The following GALNT17 variants were observed in gnomAD, a reference collection of about 807,000 sequenced individuals.
GALNT17 encodes UDP-GalNAc:polypeptide N-acetylgalactosaminyltransferase-like 3.
Under a neutral mutation model 63.7 loss-of-function variants are expected in GALNT17, and 29 were observed. The ratio of observed to expected loss-of-function variants is 0.46; its 90% CI spans 0.34 to 0.62. The LOEUF (loss-of-function observed/expected upper bound fraction) is 0.62, where lower values mean the gene tolerates loss of function less well. Among genes scored for constraint, GALNT17 ranks in the 20% least tolerant of loss-of-function variants. GALNT17 has a pLI of 0.01. For synonymous variants in GALNT17, 305 were observed against 318.3 expected (o/e 0.96, Z 0.45); for missense variants, 603 against 799.6 (o/e 0.75, Z 2.97).
intron 6 of GALNT17, among the ~76,000 whole-genome samples, chr7:71,591,666 C>CGTTT (rs1234476949): frequency 7.0e-6 from 1 of 142,728 alleles, no homozygotes; most frequent in African/African-American, 3.0e-5. Context: ...TTTGTTTGTT[C>CGTTT]GTTTGTTTGT....
chr7:71,418,731 C>A (rs1206868687), intron 4 of GALNT17, among the ~76,000 whole-genome samples: 1 of 152,118 alleles, frequency 6.6e-6, no homozygotes, highest in Non-Finnish European at 1.5e-5. Flanking sequence ...CAGGACATCC[C>A]CAGGGAGGAG....
chr7:71,496,698 G>A (rs1788101105), intron 5 of GALNT17, among the ~76,000 whole-genome samples: 1 of 151,638 alleles, frequency 6.6e-6, no homozygotes, highest in Non-Finnish European at 1.5e-5. Context: ...AAGCATAAGA[G>A]CCATGAAAAC....
chr7:71,144,250 C>G (rs76330983), intron 1 of GALNT17, among the ~76,000 whole-genome samples: 1 of 152,068 alleles, frequency 6.6e-6, no homozygotes, highest in African/African-American at 2.4e-5. Flanking sequence ...GTCAGCTCCT[C>G]GAGTATCCTT....
intron 1 of GALNT17, among the ~76,000 whole-genome samples, chr7:71,184,331 T>C (rs1038722890): frequency 1.3e-5 from 2 of 151,770 alleles, no homozygotes; most frequent in Non-Finnish European, 2.9e-5. Flanking sequence ...GGTGATGGAG[T>C]AACCTAAATA....
rs574327299 is a variant in GALNT17, at chr7:71,470,216, A to G, written c.962+49111A>G. On this transcript the variant is annotated intron_variant, in intron 5 of 10. Coordinates refer to ENST00000333538, the MANE Select transcript of GALNT17 (RefSeq NM_022479.3). Reference sequence around the variant, plus strand: ...AGAGCGAGACTCCCTCTCAAAAAACAACAACAACAATAAAAGCAAACATAA... The same window carrying G: ...AGAGCGAGACTCCCTCTCAAAAAACGACAACAACAATAAAAGCAAACATAA... Among the ~76,000 whole-genome samples, 3 of 152,304 alleles carry G rather than the reference A, an allele frequency of 2.0e-5. No homozygotes were observed. In the East Asian group the frequency reaches 5.8e-4, roughly 29 times the overall value.
At chr7:71,165,906 G>A (rs369410203) in intron 1 of GALNT17, among the ~76,000 whole-genome samples, 20 of 152,104 alleles carry the variant, frequency 1.3e-4, no homozygotes, top group African/African-American at 4.3e-4. Context: ...GTGAGGCAGC[G>A]CCCTCTCTGG....
At chr7:71,334,139 A>T (rs1232742579) in intron 1 of GALNT17, among the ~76,000 whole-genome samples, 3 of 152,176 alleles carry the variant, frequency 2.0e-5, no homozygotes, top group Non-Finnish European at 4.4e-5. Context: ...CAAGCAGAGA[A>T]ATGATGCTCG....
chr7:71,422,818 A>G (rs1358534760), intron 5 of GALNT17, among the ~76,000 whole-genome samples: 2 of 152,164 alleles, frequency 1.3e-5, no homozygotes, highest in Non-Finnish European at 2.9e-5. Context: ...TGTCAGAAAA[A>G]CCAGATCACA....
chr7:71,455,205 T>C (rs1474827573), intron 5 of GALNT17, among the ~76,000 whole-genome samples: 2 of 150,278 alleles, frequency 1.3e-5, no homozygotes, highest in Non-Finnish European at 3.0e-5. Context: ...CAGTTGTTCA[T>C]GTTGAAACCA....
chr7:71,402,652 C>T lies in GALNT17; in HGVS notation c.590-13237C>T, dbSNP rs755299533. Among the ~76,000 whole-genome samples, 4 of 149,694 alleles carry T rather than the reference C, an allele frequency of 2.7e-5. No homozygotes were observed. The East Asian group carries it at 5.8e-4, about 22-fold the overall frequency. On this transcript the variant is annotated intron_variant, in intron 3 of 10. Coordinates refer to ENST00000333538, the MANE Select transcript of GALNT17 (RefSeq NM_022479.3). ...AGCATATCTGATCAACATCTTGTCT[C>T]GGTTGGTTGTATTCAAAGGTTGAAA...
chr7:71,571,670 C>G (rs1789444718), intron 6 of GALNT17, among the ~76,000 whole-genome samples: 1 of 152,054 alleles, frequency 6.6e-6, no homozygotes, highest in Admixed American at 6.6e-5. Context: ...GTTCCCACTC[C>G]CATTCAGTTT....
intron 1 of GALNT17, among the ~76,000 whole-genome samples, chr7:71,332,615 G>T (rs1317201452): frequency 6.6e-6 from 1 of 152,164 alleles, no homozygotes; most frequent in African/African-American, 2.4e-5. Context: ...TCATCTTGCT[G>T]TGAATAGAAT....
At chr7:71,536,562 C>T (rs1788805483) in intron 5 of GALNT17, among the ~76,000 whole-genome samples, 2 of 152,072 alleles carry the variant, frequency 1.3e-5, no homozygotes, top group African/African-American at 4.8e-5. Context: ...GAGGAAGATG[C>T]AAAAGCAGAA....
intron 1 of GALNT17, among the ~76,000 whole-genome samples, chr7:71,222,333 C>T (rs898890782): frequency 7.2e-5 from 11 of 152,152 alleles, no homozygotes; most frequent in Admixed American, 5.2e-4. Context: ...GCCTCACACA[C>T]CCAGGCTGGA....
At chr7:71,198,063 T>G (rs1330119581) in intron 1 of GALNT17, among the ~76,000 whole-genome samples, 2 of 151,860 alleles carry the variant, frequency 1.3e-5, no homozygotes, top group African/African-American at 4.8e-5. Context: ...CTGGATGTGG[T>G]GGCGGGCTCC....
At chr7:71,135,407 C>A (rs568281852) in intron 1 of GALNT17, among the ~76,000 whole-genome samples, 44 of 152,292 alleles carry the variant, frequency 2.9e-4, no homozygotes, top group African/African-American at 9.6e-4. Context: ...CACAGACATA[C>A]ATGAACCCAC....
chr7:71,338,446 C>T (rs1381633957), intron 2 of GALNT17, among the ~76,000 whole-genome samples: 2 of 152,054 alleles, frequency 1.3e-5, no homozygotes, highest in African/African-American at 2.4e-5. Flanking sequence ...TCACCTGAGT[C>T]TGGGAGGTCA....
chr7:71,133,584 C>T (rs1787728265), intron 1 of GALNT17, among the ~76,000 whole-genome samples: 1 of 152,066 alleles, frequency 6.6e-6, no homozygotes, highest in Non-Finnish European at 1.5e-5. Context: ...AGAATGAGGA[C>T]TCCTCCCTTC....
At position 71,385,079 on chromosome 7, in the gene GALNT17, T is replaced by C. The variant is rs375479898; in HGVS notation, c.423-3156T>C. Among the ~76,000 whole-genome samples, 6 of 152,240 alleles carry C rather than the reference T, an allele frequency of 3.9e-5. No homozygotes were observed. In the East Asian group the frequency reaches 9.7e-4, roughly 25 times the overall value. ...GGTGATTGGTCCTGTCCCTTGGGTG[T>C]GGCAGATGTTAGGGCAGAGACTGAG... On this transcript the variant is annotated intron_variant, in intron 2 of 10. Coordinates refer to ENST00000333538, the MANE Select transcript of GALNT17 (RefSeq NM_022479.3).
Sources: gnomAD v4.1 joint callset for allele counts (sites outside exome capture counted in the v4.1 genomes callset) on GRCh38, gnomAD v4.1.1 for gene constraint, MANE v1.5 for transcripts, NCBI Gene and HGNC (gene_info 2026-07-23, HGNC 2026-07-21) for gene names.